Variants in PEX5L observed in about 807,000 individuals in gnomAD.
PEX5L encodes the protein peroxisomal biogenesis factor 5 like, also known as PEX5-related protein.
A neutral mutation model predicts 84.0 loss-of-function variants in PEX5L; 30 were observed. The ratio of observed to expected loss-of-function variants is 0.36; its 90% CI spans 0.27 to 0.48. The LOEUF (loss-of-function observed/expected upper bound fraction) is 0.48, where lower values mean the gene tolerates loss of function less well. PEX5L is among the 20% of genes least tolerant of loss of function. PEX5L has a pLI of 0.99. For synonymous variants in PEX5L, 270 were observed against 283.1 expected, an observed-to-expected ratio of 0.95 and a Z score of 0.46; for missense variants, 533 against 754.6, an observed-to-expected ratio of 0.71 and a Z score of 3.44.
At chr3:179,958,488 A>G (rs1438251914) in intron 2 of PEX5L, among the ~76,000 whole-genome samples, 1 of 152,232 alleles carries the variant, frequency 6.6e-6, no homozygotes, top group Non-Finnish European at 1.5e-5. Context: ...TCTTTGGAAC[A>G]GAGTGTAGCA....
intron 8 of PEX5L, among the ~76,000 whole-genome samples, chr3:179,855,365 C>T (rs1436620201): frequency 2.0e-5 from 3 of 152,206 alleles, no homozygotes; most frequent in Non-Finnish European, 4.4e-5. Flanking sequence ...AAGCAATCTG[C>T]ATCACCATTC....
intron 3 of PEX5L, chr3:179,895,634 G>C (rs1055686479): frequency 6.6e-6 from 1 of 152,078 alleles, no homozygotes; most frequent in Non-Finnish European, 1.5e-5. Flanking sequence ...AATTTGTTTG[G>C]TGTAATATAG....
rs1791807301 is a variant in PEX5L at position 180,035,317 on chromosome 3, A to T, written c.21+1262T>A. ...TAACTTTTCAATTGGTGTAGCTTTTATAAGAAACATGCAGATCACATTGAT... is the reference window on the plus strand; with the variant it reads ...TAACTTTTCAATTGGTGTAGCTTTTTTAAGAAACATGCAGATCACATTGAT... On this transcript the variant is annotated intron_variant, in intron 1 of 14. Transcript: ENST00000467460. 2.6e-5 allele frequency among the ~76,000 whole-genome samples: 4 copies of T among 152,304 alleles called. No individual in the cohort carries two copies. The South Asian group carries it at 8.3e-4, about 32-fold the overall frequency.
chr3:179,903,030 C>T (rs1397556517), intron 2 of PEX5L, among the ~76,000 whole-genome samples: 1 of 151,982 alleles, frequency 6.6e-6, no homozygotes, highest in Non-Finnish European at 1.5e-5. Context: ...ACAAAATTAA[C>T]AACTCTAATA....
chr3:179,926,250 C>A (rs1035851421), intron 2 of PEX5L, among the ~76,000 whole-genome samples: 22 of 152,116 alleles, frequency 1.4e-4, no homozygotes, highest in African/African-American at 5.1e-4. Flanking sequence ...TTCCATCTGA[C>A]CCCACAGTGC....
At chr3:179,896,174 T>A (rs1479195589) in intron 3 of PEX5L, 2 of 152,120 alleles carry the variant, frequency 1.3e-5, no homozygotes. Context: ...TTGTGTATAG[T>A]GGAAAAAGTA....
At chr3:180,003,038 CAG>C (rs1266701499) in intron 1 of PEX5L, among the ~76,000 whole-genome samples, 1 of 152,066 alleles carries the variant, frequency 6.6e-6, no homozygotes, top group Non-Finnish European at 1.5e-5. Flanking sequence ...TCTTTTCAAA[CAG>C]AGAAAAGAAC....
intron 1 of PEX5L, among the ~76,000 whole-genome samples, chr3:179,995,373 G>A (rs527823190): frequency 2.7e-5 from 4 of 150,362 alleles, no homozygotes; most frequent in Admixed American, 2.0e-4. Context: ...TGGTTTTGGG[G>A]TTTCTGGAGT....
intron 8 of PEX5L, among the ~76,000 whole-genome samples, chr3:179,837,663 G>A (rs963534899): frequency 7.2e-5 from 11 of 152,140 alleles, no homozygotes; most frequent in Admixed American, 2.6e-4. Flanking sequence ...TAACTTGTTC[G>A]CACTATCTGT....
chr3:179,903,953 A>C (rs1488321478), intron 2 of PEX5L, among the ~76,000 whole-genome samples: 2 of 152,234 alleles, frequency 1.3e-5, no homozygotes, highest in Non-Finnish European at 2.9e-5. Context: ...AGGTGTAAAC[A>C]ACTGGGAAGC....
chr3:179,999,108 T>A (rs137956944), intron 1 of PEX5L, among the ~76,000 whole-genome samples: 2 of 152,324 alleles, frequency 1.3e-5, no homozygotes, highest in East Asian at 3.9e-4. Flanking sequence ...TATATACTGA[T>A]TCATGGGCTG....
At chr3:179,980,204 G>A (rs1171608532) in intron 1 of PEX5L, among the ~76,000 whole-genome samples, 4 of 151,918 alleles carry the variant, frequency 2.6e-5, no homozygotes, top group South Asian at 2.1e-4. Flanking sequence ...TTTGTGCTTC[G>A]GCCATAAAAT....
chr3:179,892,901 C>A (rs1758029326), intron 3 of PEX5L, among the ~76,000 whole-genome samples: 1 of 152,140 alleles, frequency 6.6e-6, no homozygotes. Flanking sequence ...GAGAAGCCAG[C>A]AACACTTCAT....
At chr3:179,892,826 A>G (rs1758003887) in intron 3 of PEX5L, among the ~76,000 whole-genome samples, 2 of 152,138 alleles carry the variant, frequency 1.3e-5, no homozygotes, top group South Asian at 4.1e-4. Flanking sequence ...AAAAAAATTA[A>G]AATAAAGGTC....
chr3:179,989,963 C>T (rs1787231200), intron 1 of PEX5L, among the ~76,000 whole-genome samples: 1 of 152,188 alleles, frequency 6.6e-6, no homozygotes, highest in Non-Finnish European at 1.5e-5. Context: ...TCCCAACATT[C>T]ACATGGAGGG....
At chr3:179,948,539 G>A (rs1778221540) in intron 2 of PEX5L, among the ~76,000 whole-genome samples, 1 of 152,198 alleles carries the variant, frequency 6.6e-6, no homozygotes, top group African/African-American at 2.4e-5. Context: ...CAGCATGGGA[G>A]AAATACAATT....
chr3:179,990,051 T>C (rs920616041), intron 1 of PEX5L, among the ~76,000 whole-genome samples: 8 of 152,202 alleles, frequency 5.3e-5, no homozygotes, highest in African/African-American at 2.4e-5. Flanking sequence ...AGTGCTTAGT[T>C]GATAAAAGTC....
At chr3:179,976,746 T>C (rs1785837052) in intron 1 of PEX5L, among the ~76,000 whole-genome samples, 1 of 152,116 alleles carries the variant, frequency 6.6e-6, no homozygotes, top group South Asian at 2.1e-4. Context: ...CCAGGAAATC[T>C]TGAATGGAAA....
At chr3:179,923,307 A>C (rs1281537798) in intron 2 of PEX5L, among the ~76,000 whole-genome samples, 1 of 151,566 alleles carries the variant, frequency 6.6e-6, no homozygotes, top group South Asian at 2.1e-4. Context: ...AAAAAAAAAA[A>C]AAAACACCCT....
Sources: allele counts gnomAD v4.1 joint callset (sites outside exome capture counted in the v4.1 genomes callset), GRCh38; gene constraint gnomAD v4.1.1; transcripts MANE v1.5; gene names NCBI Gene and HGNC (gene_info 2026-07-23, HGNC 2026-07-21).